The following NAV2 variants were observed in gnomAD, a reference collection of about 807,000 sequenced individuals.
NAV2 encodes the protein helicase, APC down-regulated 1.
In NAV2, 54 loss-of-function variants were observed where a neutral mutation model predicts 223.2. The ratio of observed to expected loss-of-function variants is 0.24; its 90% CI spans 0.19 to 0.30. The LOEUF (loss-of-function observed/expected upper bound fraction) is 0.30, where lower values mean the gene tolerates loss of function less well. Ranked by LOEUF, NAV2 falls within the 10% of genes least tolerant of loss-of-function variation. NAV2 has a pLI of 1.00. For missense variants in NAV2, 2,806 were observed against 3,147.5 expected (o/e 0.89, Z 2.60); for synonymous variants, 1,279 against 1,239.3 (o/e 1.03, Z -0.67).
chr11:19,992,042 C>T (rs569746901), intron 11 of NAV2, among the ~76,000 whole-genome samples: 1 of 152,324 alleles, frequency 6.6e-6, no homozygotes, highest in South Asian at 2.1e-4. Context: ...GAAGATGCTT[C>T]CAGCACAGTG....
intron 3 of NAV2, among the ~76,000 whole-genome samples, chr11:19,846,173 G>C (rs2060797152): frequency 6.6e-6 from 1 of 152,200 alleles, no homozygotes; most frequent in Non-Finnish European, 1.5e-5. Context: ...AGACAGCCAG[G>C]CATGGAACCC....
At chr11:19,848,854 T>C (rs1307744467) in intron 3 of NAV2, among the ~76,000 whole-genome samples, 1 of 152,178 alleles carries the variant, frequency 6.6e-6, no homozygotes, top group East Asian at 1.9e-4. Context: ...CTCTGAATGA[T>C]AGCACTGGAC....
At chr11:19,655,727 C>T (rs1018342514) in intron 1 of NAV2, among the ~76,000 whole-genome samples, 1 of 125,730 alleles carries the variant, frequency 8.0e-6, no homozygotes, top group Non-Finnish European at 1.6e-5. Flanking sequence ...GAACATCACA[C>T]ACCGGGGCCT....
At chr11:19,599,507 G>C (rs1178832140) in intron 1 of NAV2, among the ~76,000 whole-genome samples, 1 of 152,218 alleles carries the variant, frequency 6.6e-6, no homozygotes, top group African/African-American at 2.4e-5. Flanking sequence ...GGTACAAAGG[G>C]TTTAGTATTA....
At chr11:19,615,092 C>T (rs2046755160) in intron 1 of NAV2, among the ~76,000 whole-genome samples, 1 of 151,970 alleles carries the variant, frequency 6.6e-6, no homozygotes, top group African/African-American at 2.4e-5. Context: ...ATACCTATTG[C>T]CTGAGAGTCT....
Position 19,577,799 on chromosome 11 carries a change from T to C in NAV2, c.75+226772T>C, listed in dbSNP as rs564161556. ...GGCCCCACTATTGGGGGCTGCTTTCTGTTCCAATGGTGGCAGCAGCAGCAG... is the reference window on the plus strand; with the variant it reads ...GGCCCCACTATTGGGGGCTGCTTTCCGTTCCAATGGTGGCAGCAGCAGCAG... On this transcript the variant is annotated intron_variant, in intron 1 of 37. Transcript: ENST00000360655. 2.0e-5 allele frequency among the ~76,000 whole-genome samples: 3 copies of C among 152,312 alleles called. No homozygotes were observed. The East Asian group carries it at 5.8e-4, about 29-fold the overall frequency.
intron 1 of NAV2, among the ~76,000 whole-genome samples, chr11:19,734,335 A>G (rs1236445671): frequency 2.0e-5 from 3 of 152,220 alleles, no homozygotes; most frequent in Non-Finnish European, 1.5e-5. Context: ...TGCCAGACAT[A>G]GACATCTTAA....
At chr11:19,455,777 G>A (rs1851937562) in intron 1 of NAV2, among the ~76,000 whole-genome samples, 1 of 152,182 alleles carries the variant, frequency 6.6e-6, no homozygotes, top group South Asian at 2.1e-4. Context: ...TGCTATTTAA[G>A]GAAAACCATC....
chr11:20,083,057 T>A lies in NAV2; in HGVS notation c.5376T>A (p.Ser1792=), dbSNP rs2060189468. The change falls in exon 26 of 38, where the codon TCT becomes TCA. Residue 1792 remains serine, a synonymous_variant. Coordinates refer to ENST00000349880, the MANE Select transcript of NAV2 (RefSeq NM_145117.5). ...TCGGGAAGAAGAAGTCCCCAAAATC[T>A]GCGTCCTCTCATTCAGATATTGAGG... is the stretch of plus-strand genomic sequence containing the variant. ...QAFGKKKSPK[S]ASSHSDIEEM... The A allele has an allele frequency of 6.2e-7, 1 of 1,614,182 alleles. No homozygotes were observed. Among genetic ancestry groups the A allele is most frequent in the Non-Finnish European group, 8.5e-7 (1 of 1,180,020 alleles).
Position 19,713,904 on chromosome 11 carries a change from C to G in NAV2, c.209C>G (p.Ala70Gly), listed in dbSNP as rs376382958. 7.4e-6 allele frequency: 12 copies of G among 1,613,388 alleles called. No individual in the cohort carries two copies. The highest frequency in any genetic ancestry group is 9.3e-6 in the Non-Finnish European group (11 of 1,179,962). The change falls in exon 1 of 38, where the codon GCG becomes GGG. Residue 70 changes from alanine (A) to glycine (G), a missense_variant. Around this residue, in one of 4 missense-constraint regions of NAV2, gnomAD observed 1,167 missense variants for 1,180.5 expected, o/e 0.99. Transcript: ENST00000349880. The surrounding 1 kb of genome is among the most constrained non-coding windows in gnomAD (Gnocchi z 7.2). ...GTGCTGCAGGGGCTGCAGGAGCCAG[C>G]GGGGGAGGGGCTCCCGCTGCGGAAG... Reference protein sequence around the residue: ...SQVLQGLQEPAGEGLPLRKSG... With the variant: ...SQVLQGLQEPGGEGLPLRKSG...
chr11:19,503,857 C>G (rs2043036659), intron 1 of NAV2: 1 of 152,084 alleles, frequency 6.6e-6, no homozygotes, highest in African/African-American at 2.4e-5. Flanking sequence ...CTGTGAAAGA[C>G]ACTGTCAAGA....
rs1565315820 is a variant in NAV2, at chr11:19,787,268, A to ATTTT, written c.268-45215_268-45214insTTTT. On this transcript the variant is annotated intron_variant, in intron 1 of 37. Coordinates refer to ENST00000349880, the MANE Select transcript of NAV2 (RefSeq NM_145117.5). ...AACATGCCTGGCTAATTTTTATTGG[A>ATTTT]TCTTTTTTTTTTTTTTTTTTTTTTT... 5.8e-4 allele frequency among the ~76,000 whole-genome samples: 17 copies of ATTTT among 29,390 alleles called. 1 individual carries two copies. Among genetic ancestry groups the ATTTT allele is most frequent in the African/African-American group, 1.8e-3 (13 of 7,398 alleles). The allele number at this position is 29,390 out of a possible 152,430, so 19.3% of individuals were successfully genotyped here. A position where few individuals can be genotyped will look rare whatever the true frequency, so the allele number is the denominator to read the frequency against.
chr11:19,484,127 AACACACACACACAC>A (rs58138697), intron 1 of NAV2, among the ~76,000 whole-genome samples: 3 of 144,898 alleles, frequency 2.1e-5, no homozygotes, highest in Non-Finnish European at 3.0e-5. Flanking sequence ...ACTGATCACA[AACACACACACACAC>A]ACACACACAC....
intron 3 of NAV2, among the ~76,000 whole-genome samples, chr11:19,865,039 A>T (rs1299679037): frequency 3.3e-5 from 5 of 152,236 alleles, no homozygotes; most frequent in Non-Finnish European, 7.3e-5. Context: ...AAAACACTGG[A>T]ATGTCAGACT....
At chr11:19,883,013 T>C (rs529494111) in intron 5 of NAV2, among the ~76,000 whole-genome samples, 2 of 152,330 alleles carry the variant, frequency 1.3e-5, no homozygotes, top group Admixed American at 6.5e-5. Context: ...ATTACATCAG[T>C]GGCTCGGTCT....
intron 3 of NAV2, 86 bp from the exon 4 acceptor site, chr11:19,868,839 T>C (rs2062267737): frequency 7.4e-7 from 1 of 1,354,256 alleles, no homozygotes; most frequent in Non-Finnish European, 1.0e-6. Flanking sequence ...TTTTACAGCA[T>C]TCTGTTTTCC....
chr11:19,655,045 CA>C (rs760769665), intron 1 of NAV2, among the ~76,000 whole-genome samples: 8 of 151,878 alleles, frequency 5.3e-5, no homozygotes, highest in Non-Finnish European at 1.0e-4. Context: ...AAATTTACCA[CA>C]AAAAAACAAA....
intron 1 of NAV2, among the ~76,000 whole-genome samples, chr11:19,438,045 C>A (rs546052038): frequency 6.6e-6 from 1 of 152,314 alleles, no homozygotes; most frequent in South Asian, 2.1e-4. Context: ...AGGTTCCAAG[C>A]CGCCTCCTTG....
intron 1 of NAV2, among the ~76,000 whole-genome samples, chr11:19,455,943 C>G (rs1355549740): frequency 1.3e-5 from 2 of 152,220 alleles, no homozygotes; most frequent in African/African-American, 4.8e-5. Flanking sequence ...GGCATCCTTC[C>G]TCCCCAGCTG....
Sources: allele counts gnomAD v4.1 joint callset (sites outside exome capture counted in the v4.1 genomes callset), GRCh38; gene constraint gnomAD v4.1.1; regional missense constraint gnomAD v4.1.1; non-coding constraint Gnocchi (gnomAD v3.1); transcripts MANE v1.5; gene names NCBI Gene and HGNC (gene_info 2026-07-23, HGNC 2026-07-21).